PAK3: variants seen among roughly 807,000 people sequenced by gnomAD.
PAK3 encodes serine/threonine-protein kinase PAK 3.
Under a neutral mutation model 41.0 loss-of-function variants are expected in PAK3, and 4 were observed. The observed-to-expected ratio is 0.10, with a 90% CI of 0.05 to 0.22. PAK3 has a LOEUF of 0.22. PAK3 is among the 10% of genes least tolerant of loss of function. PAK3 has a pLI of 1.00. For synonymous variants in PAK3, 146 were observed against 139.6 expected, an observed-to-expected ratio of 1.05 and a Z score of -0.32; for missense variants, 205 against 409.9, an observed-to-expected ratio of 0.50 and a Z score of 4.32.
Position 111,160,636 on chromosome X carries a change from T to G in PAK3, c.469-2279T>G, listed in dbSNP as rs78755532. Among the ~76,000 whole-genome samples, 112 of 106,946 alleles carry G rather than the reference T, an allele frequency of 1.0e-3. 1 individual carries two copies. In the East Asian group the frequency reaches 0.017, roughly 16 times the overall value. The allele number at this position is 106,946 out of a possible 115,157, so 92.9% of individuals were successfully genotyped here. A position where few individuals can be genotyped will look rare whatever the true frequency, so the allele number is the denominator to read the frequency against. On this transcript the variant is annotated intron_variant, in intron 8 of 17. Coordinates refer to ENST00000372007, the MANE Select transcript of PAK3 (RefSeq NM_002578.5). ...CCCCGCTCCCCCCACCCCACAACAG[T>G]CCCCGGTGTGTGATGTTCCCCTTCC...
intron 1 of PAK3, among the ~76,000 whole-genome samples, chrX:111,063,314 A>G (rs1449352274): frequency 8.9e-6 from 1 of 112,296 alleles, no homozygotes; most frequent in Non-Finnish European, 1.9e-5. Flanking sequence ...ATGATTGAAG[A>G]AGATTTGTAT....
At chrX:111,039,994 CAAAAA>C (rs141289134) in intron 1 of PAK3, among the ~76,000 whole-genome samples, 3 of 49,273 alleles carry the variant, frequency 6.1e-5, no homozygotes, top group East Asian at 1.3e-3. Flanking sequence ...GTAGATGGAG[CAAAAA>C]AAAAAAAAAA....
At position 111,192,353 on chromosome X, in the gene PAK3, TA is replaced by T. The variant is rs201142718; in HGVS notation, c.880-143del. 7.2e-3 allele frequency among the ~76,000 whole-genome samples: 745 copies of T among 103,416 alleles called. 2 individuals are homozygous for T. Among genetic ancestry groups the T allele is most frequent in the African/African-American group, 0.024 (674 of 28,671 alleles). 89.8% of individuals were successfully genotyped at this position (103,416 alleles called of 115,157 possible). ...TAGTTTACCCATGATAACCAAAAAA[TA>T]AAAAAAAAAGTGGGGGGCATGTGTT... is the stretch of plus-strand genomic sequence containing the variant. On this transcript the variant is annotated intron_variant, in intron 12 of 17. Coordinates refer to ENST00000372007, the MANE Select transcript of PAK3 (RefSeq NM_002578.5).
chrX:110,951,244 A>G (rs186772449), intron 1 of PAK3, among the ~76,000 whole-genome samples: 62 of 111,920 alleles, frequency 5.5e-4, no homozygotes, highest in African/African-American at 1.9e-3. Context: ...ACTCTTCTCT[A>G]TGTTGCAAAT....
chrX:111,219,385 A>G (rs970644827), intron 17 of PAK3, among the ~76,000 whole-genome samples: 110 of 109,767 alleles, frequency 1.0e-3, no homozygotes, highest in Middle Eastern at 9.4e-3. Context: ...AAGACAATAT[A>G]ATAGCTAACA....
chrX:111,183,245 A>G (rs1844974525), intron 11 of PAK3, among the ~76,000 whole-genome samples: 1 of 111,696 alleles, frequency 9.0e-6, no homozygotes, highest in South Asian at 3.8e-4. Context: ...ATAGAGTTGT[A>G]CAGGGTGGGC....
At chrX:111,078,515 A>G (rs934254711) in intron 1 of PAK3, among the ~76,000 whole-genome samples, 4 of 111,052 alleles carry the variant, frequency 3.6e-5, no homozygotes. Context: ...AACATAATCA[A>G]GAAATGTTGT....
chrX:111,110,306 A>T lies in PAK3; in HGVS notation c.-28+7000A>T, dbSNP rs1323796064. On this transcript the variant is annotated intron_variant, in intron 4 of 17. Coordinates refer to ENST00000372007, the MANE Select transcript of PAK3 (RefSeq NM_002578.5). ...GAAATAGCTTCAGAGGGGTGAAGAG[A>T]TGTACCTAATGTCACGCAGCTTGTG... Among the ~76,000 whole-genome samples, 4 of 111,974 alleles carry T rather than the reference A, an allele frequency of 3.6e-5. No individual in the cohort carries two copies. In the East Asian group the frequency reaches 1.1e-3, roughly 32 times the overall value.
At chrX:111,055,147 G>T (rs1474494790) in intron 1 of PAK3, among the ~76,000 whole-genome samples, 1 of 111,867 alleles carries the variant, frequency 8.9e-6, no homozygotes, top group Non-Finnish European at 1.9e-5. Context: ...TCTTTGCCTT[G>T]AGGCAATCTC....
chrX:111,166,809 G>A (rs2094261054), intron 10 of PAK3, among the ~76,000 whole-genome samples: 1 of 111,868 alleles, frequency 8.9e-6, no homozygotes, highest in South Asian at 3.7e-4. Context: ...AGCAGTATCA[G>A]GCACATCATA....
chrX:111,123,170 C>T lies in PAK3; in HGVS notation c.67C>T (p.Arg23Trp), dbSNP rs978487268. Residue 23 changes from arginine (R) to tryptophan (W), a missense_variant, in exon 5 of 18, where the codon CGG becomes TGG. By Grantham distance (101) the Arg-to-Trp change is moderately radical. Coordinates refer to ENST00000372007, the MANE Select transcript of PAK3 (RefSeq NM_002578.5). ...TCCACTGAGGATGAATAGTAACAAC[C>T]GGGATTCTTCAGCACTCAACCACAG... ...APPLRMNSNN[R>W]DSSALNHSSK... 8.3e-6 allele frequency: 10 copies of T among 1,201,278 alleles called. No individual in the cohort carries two copies. In the African/African-American group the frequency reaches 1.1e-4, roughly 13 times the overall value.
At chrX:111,065,339 C>G (rs1440371012) in intron 1 of PAK3, among the ~76,000 whole-genome samples, 1 of 99,060 alleles carries the variant, frequency 1.0e-5, no homozygotes, top group Admixed American at 1.1e-4. Flanking sequence ...GTTTTTCATT[C>G]TGTTTATGTG....
intron 1 of PAK3, among the ~76,000 whole-genome samples, chrX:110,964,372 C>A (rs1030856457): frequency 8.9e-6 from 1 of 112,518 alleles, no homozygotes; most frequent in African/African-American, 3.2e-5. Flanking sequence ...ATTCAAATTG[C>A]TGACTCCATA....
chrX:111,071,345 T>G (rs1242523006), intron 1 of PAK3, among the ~76,000 whole-genome samples: 1 of 112,192 alleles, frequency 8.9e-6, no homozygotes, highest in Non-Finnish European at 1.9e-5. Context: ...GTAGCTGTGT[T>G]ACCTAGGAAA....
intron 1 of PAK3, among the ~76,000 whole-genome samples, chrX:110,969,590 T>C (rs2091164678): frequency 1.8e-5 from 2 of 108,923 alleles, no homozygotes; most frequent in Admixed American, 2.0e-4. Context: ...CATGAACCAC[T>C]GCACCCAGCC....
chrX:111,149,980 A>G (rs2094002857), intron 7 of PAK3, among the ~76,000 whole-genome samples: 1 of 112,462 alleles, frequency 8.9e-6, no homozygotes, highest in Non-Finnish European at 1.9e-5. Flanking sequence ...TTTCCCTTAT[A>G]AAACTGAATG....
chrX:111,169,129 C>T (rs2094302163), intron 10 of PAK3: 1 of 122,346 alleles, frequency 8.2e-6, no homozygotes, highest in Admixed American at 9.3e-5. Flanking sequence ...TCAATATATT[C>T]TACACACGGC....
chrX:111,105,665 C>T (rs1416433616), intron 4 of PAK3, among the ~76,000 whole-genome samples: 1 of 111,764 alleles, frequency 8.9e-6, no homozygotes, highest in African/African-American at 3.3e-5. Context: ...CTCCCTACTC[C>T]TGATACATTC....
rs974185755 is a variant in PAK3, at chrX:111,034,263, GA to G, written c.-27-88805del. The stretch of plus-strand genomic sequence containing the variant: ...GGTTGGGGGTCGGGGAAAGAGAGAG[GA>G]AAAAAAAACAGTGAGAGATAGAGAG... On this transcript the variant is annotated intron_variant, in intron 1 of 14. Coordinates refer to the PAK3 transcript ENST00000425146. 7.0e-4 allele frequency among the ~76,000 whole-genome samples: 74 copies of G among 106,025 alleles called. 1 individual carries two copies. Among genetic ancestry groups the G allele is most frequent in the African/African-American group, 2.5e-3 (72 of 29,116 alleles). The allele number at this position is 106,025 out of a possible 115,157, so 92.1% of individuals were successfully genotyped here. A position where few individuals can be genotyped will look rare whatever the true frequency, so the allele number is the denominator to read the frequency against.
Sources: gnomAD v4.1 joint callset for allele counts (sites outside exome capture counted in the v4.1 genomes callset) on GRCh38, gnomAD v4.1.1 for gene constraint, MANE v1.5 for transcripts, NCBI Gene and HGNC (gene_info 2026-07-23, HGNC 2026-07-21) for gene names.